RNF144A: variants seen among roughly 807,000 people sequenced by gnomAD.
RNF144A encodes the protein ring finger protein 144A.
RNF144A carries 11 observed loss-of-function variants against 38.7 expected under a neutral mutation model. The observed-to-expected ratio is 0.28, with a 90% CI of 0.18 to 0.47. The LOEUF (loss-of-function observed/expected upper bound fraction) is 0.47, where lower values mean the gene tolerates loss of function less well. Ranked by LOEUF, RNF144A falls within the 20% of genes least tolerant of loss-of-function variation. The probability of loss-of-function intolerance (pLI) is 0.99; values close to 1 mark genes in which losing one functional copy is unlikely to be tolerated. For synonymous variants in RNF144A, 149 were observed against 143.9 expected, an observed-to-expected ratio of 1.04 and a Z score of -0.25; for missense variants, 316 against 377.2, an observed-to-expected ratio of 0.84 and a Z score of 1.34.
downstream of RNF144A, among the ~76,000 whole-genome samples, chr2:7,047,298 A>G (rs1673345428): frequency 6.6e-6 from 1 of 152,032 alleles, no homozygotes. Flanking sequence ...GAATGTGTGT[A>G]TTTGTAGTGT....
Position 7,041,655 on chromosome 2 carries a change from G to T in RNF144A, c.*1895G>T. ...AGCCCTCAGCCTGTGATATGTGGATGCAGCTGTCCAGCCACTGCCCTTTAA... is the reference window on the plus strand; with the variant it reads ...AGCCCTCAGCCTGTGATATGTGGATTCAGCTGTCCAGCCACTGCCCTTTAA... On this transcript the variant is annotated 3_prime_UTR_variant, in exon 9 of 9. Coordinates refer to ENST00000320892, the MANE Select transcript of RNF144A (RefSeq NM_014746.6). 19 of 985,558 alleles carry T rather than the reference G, an allele frequency of 1.9e-5. No individual in the cohort carries two copies. Among genetic ancestry groups the T allele is most frequent in the Non-Finnish European group, 2.2e-5 (18 of 829,966 alleles). 61.1% of individuals were successfully genotyped at this position (985,558 alleles called of 1,614,324 possible). A position where few individuals can be genotyped will look rare whatever the true frequency, so the allele number is the denominator to read the frequency against.
chr2:7,022,807 A>C (rs1671622917), intron 6 of RNF144A, among the ~76,000 whole-genome samples: 1 of 152,172 alleles, frequency 6.6e-6, no homozygotes, highest in Admixed American at 6.5e-5. Flanking sequence ...CCCTCTGGAG[A>C]CATTTGCACA....
chr2:6,919,663 T>TGCATCAG (rs1444285443), intron 1 of RNF144A, among the ~76,000 whole-genome samples: 5 of 152,198 alleles, frequency 3.3e-5, no homozygotes, highest in Non-Finnish European at 5.9e-5. Context: ...GGCTTCCACC[T>TGCATCAG]GCATCAGGCA....
chr2:6,939,557 A>G (rs1446708830), intron 1 of RNF144A, among the ~76,000 whole-genome samples: 3 of 152,176 alleles, frequency 2.0e-5, no homozygotes, highest in Non-Finnish European at 2.9e-5. Context: ...CATTTTTGAC[A>G]TGCAAACATT....
chr2:7,033,057 T>C (rs1368866836), intron 8 of RNF144A, among the ~76,000 whole-genome samples: 1 of 152,244 alleles, frequency 6.6e-6, no homozygotes, highest in Non-Finnish European at 1.5e-5. Flanking sequence ...TCGGAAACCA[T>C]TGCCCAACTC....
intron 6 of RNF144A, among the ~76,000 whole-genome samples, chr2:7,022,087 G>A (rs555548596): frequency 7.5e-4 from 115 of 152,346 alleles, no homozygotes; most frequent in African/African-American, 2.5e-3. Context: ...GGCAGCCAGC[G>A]TAGCAGAGCC....
At chr2:6,928,864 G>T (rs1021515057) in intron 1 of RNF144A, among the ~76,000 whole-genome samples, 3 of 152,048 alleles carry the variant, frequency 2.0e-5, no homozygotes, top group African/African-American at 4.8e-5. Context: ...CCTGCCTTCG[G>T]TGATGGTCAG....
At chr2:6,932,883 A>G (rs769223661) in intron 1 of RNF144A, among the ~76,000 whole-genome samples, 1 of 152,214 alleles carries the variant, frequency 6.6e-6, no homozygotes, top group Non-Finnish European at 1.5e-5. Context: ...TTTCCCCCAG[A>G]GAAGACAAGT....
intron 2 of RNF144A, among the ~76,000 whole-genome samples, chr2:6,985,273 T>A (rs975571120): frequency 9.1e-5 from 1 of 11,008 alleles, no homozygotes. Context: ...CCCCCCTCTT[T>A]TTTTTTTTTT....
At position 7,042,464 on chromosome 2, in the gene RNF144A, A is replaced by G. The variant is rs750061292; in HGVS notation, c.*2704A>G. The G allele has an allele frequency of 5.4e-5, 53 of 985,394 alleles. No homozygotes were observed. The highest frequency in any genetic ancestry group is 6.1e-5 in the Non-Finnish European group (51 of 829,972). 61.0% of individuals were successfully genotyped at this position (985,394 alleles called of 1,614,324 possible). On this transcript the variant is annotated 3_prime_UTR_variant, in exon 9 of 9. Coordinates refer to ENST00000320892, the MANE Select transcript of RNF144A (RefSeq NM_014746.6). ...GCATGTGTTCACTAAGAGGCCTTTA[A>G]TCCTGGGGAGTAAGGGGCGAAGGCC... is the stretch of plus-strand genomic sequence containing the variant.
intron 5 of RNF144A, among the ~76,000 whole-genome samples, chr2:7,015,560 C>T (rs138755541): frequency 5.3e-5 from 8 of 152,292 alleles, no homozygotes; most frequent in African/African-American, 1.9e-4. Context: ...TATTGCAAAG[C>T]ATTAAGCCAT....
rs1354147666 is a variant in RNF144A at position 6,962,019 on chromosome 2, C to T, written c.-12+20872C>T. ...ACGGACATACGAAGAGTGAGGTTGA[C>T]AGTGGAAGTTTAATAGGTGAAAGAA... On this transcript the variant is annotated intron_variant, in intron 2 of 8. Transcript: ENST00000320892. This position sits in a 1 kb window ranked among gnomAD's most constrained non-coding sequence, Gnocchi z 4.1. Among the ~76,000 whole-genome samples, 2 of 152,188 alleles carry T rather than the reference C, an allele frequency of 1.3e-5. No individual in the cohort carries two copies. Among genetic ancestry groups the T allele is most frequent in the South Asian group, 2.1e-4 (1 of 4,836 alleles).
chr2:6,975,894 C>T (rs1253008412), intron 2 of RNF144A, among the ~76,000 whole-genome samples: 5 of 152,212 alleles, frequency 3.3e-5, no homozygotes, highest in Admixed American at 1.3e-4. Flanking sequence ...CAAAGTTTAT[C>T]GTAGGATATA....
intron 2 of RNF144A, among the ~76,000 whole-genome samples, chr2:6,981,278 G>T (rs559332033): frequency 2.9e-4 from 44 of 151,736 alleles, no homozygotes; most frequent in African/African-American, 9.2e-4. Context: ...CAGAAAATGG[G>T]TTTTTTCTTT....
intron 5 of RNF144A, among the ~76,000 whole-genome samples, chr2:7,019,034 G>A (rs1671333480): frequency 6.6e-6 from 1 of 152,208 alleles, no homozygotes; most frequent in Admixed American, 6.5e-5. Context: ...CTGCTTTTAT[G>A]CAACAGCAAA....
chr2:7,039,584 C>A, intron 8 of RNF144A, 45 bp from the exon 9 acceptor site: 1 of 1,607,230 alleles, frequency 6.2e-7, no homozygotes, highest in Non-Finnish European at 8.5e-7. Flanking sequence ...CTGGAACCTA[C>A]AGACCAGCCC....
At chr2:6,954,674 A>T (rs1336554227) in intron 2 of RNF144A, among the ~76,000 whole-genome samples, 1 of 152,210 alleles carries the variant, frequency 6.6e-6, no homozygotes, top group Admixed American at 6.5e-5. Flanking sequence ...TAGGTTTTTC[A>T]TGACACTTAT....
chr2:7,017,200 T>C (rs1671194627), intron 5 of RNF144A, among the ~76,000 whole-genome samples: 1 of 152,152 alleles, frequency 6.6e-6, no homozygotes, highest in Non-Finnish European at 1.5e-5. Context: ...ATCTGGAGGC[T>C]CAGCCCTCCC....
At chr2:6,942,818 T>C (rs1010870580) in intron 2 of RNF144A, among the ~76,000 whole-genome samples, 1 of 152,184 alleles carries the variant, frequency 6.6e-6, no homozygotes, top group Admixed American at 6.5e-5. Context: ...ACCCCATCTC[T>C]ACTAAAAATA....
Sources: gnomAD v4.1 joint callset for allele counts (sites outside exome capture counted in the v4.1 genomes callset) on GRCh38, gnomAD v4.1.1 for gene constraint, Gnocchi (gnomAD v3.1) non-coding constraint, MANE v1.5 for transcripts, NCBI Gene and HGNC (gene_info 2026-07-23, HGNC 2026-07-21) for gene names.